Variants in CSNK2A2 observed in about 807,000 individuals in gnomAD.
The protein encoded by CSNK2A2 is casein kinase II subunit alpha'.
In CSNK2A2, 8 loss-of-function variants were observed where a neutral mutation model predicts 54.0. The observed-to-expected ratio is 0.15, with a 90% CI of 0.09 to 0.27. CSNK2A2 has a LOEUF of 0.27. CSNK2A2 is among the 10% of genes least tolerant of loss of function. CSNK2A2 has a pLI of 1.00. For missense variants in CSNK2A2, 242 were observed against 439.4 expected, an observed-to-expected ratio of 0.55 and a Z score of 4.02; for synonymous variants, 141 against 153.9, an observed-to-expected ratio of 0.92 and a Z score of 0.62.
chr16:58,196,569 G>C (rs896735618), intron 2 of CSNK2A2, among the ~76,000 whole-genome samples, 164 bp downstream of exon 2: 3 of 152,146 alleles, frequency 2.0e-5, no homozygotes, highest in South Asian at 2.1e-4. Context: ...AGTGAACTAT[G>C]ATCTGCACTC....
intron 2 of CSNK2A2, among the ~76,000 whole-genome samples, chr16:58,188,645 T>C (rs1227982243): frequency 1.3e-5 from 2 of 152,232 alleles, no homozygotes; most frequent in African/African-American, 4.8e-5. Context: ...AATGCATCAA[T>C]GGTTACCTTC....
rs146682761 is a variant in CSNK2A2, at chr16:58,191,041, T to C, written c.217-4185A>G. Reference sequence around the variant, plus strand: ...ACATACAATGGAAAATTATGTAGCCTTAAAATGGAAGGAAATTCTGATGCA... The same window carrying C: ...ACATACAATGGAAAATTATGTAGCCCTAAAATGGAAGGAAATTCTGATGCA... On this transcript the variant is annotated intron_variant, in intron 2 of 11. Coordinates refer to ENST00000262506, the MANE Select transcript of CSNK2A2 (RefSeq NM_001896.4). Among the ~76,000 whole-genome samples, 223 of 152,348 alleles carry C rather than the reference T, an allele frequency of 1.5e-3. 3 individuals are homozygous for C. The highest frequency in any genetic ancestry group is 8.1e-3 in the East Asian group (42 of 5,182).
At position 58,196,757 on chromosome 16, in the gene CSNK2A2, C is replaced by T; in HGVS notation, c.192G>A (p.Glu64=). Residue 64 remains glutamate, a synonymous_variant, in exon 2 of 12, where the codon GAG becomes GAA. Transcript: ENST00000262506. ...VFEAINITNN[E]RVVVKILKPV... is the part of the protein sequence containing the mutation. Reference sequence around the variant, plus strand: ...CCTTCAGGATTTTTACAACCACTCTCTCATTGTTGGTGATATTAATGGCCT... The same window carrying T: ...CCTTCAGGATTTTTACAACCACTCTTTCATTGTTGGTGATATTAATGGCCT... 4 of 1,613,592 alleles carry T rather than the reference C, an allele frequency of 2.5e-6. No individual in the cohort carries two copies. The highest frequency in any genetic ancestry group is 1.6e-4 in the Middle Eastern group (1 of 6,062).
At chr16:58,185,841 T>C (rs1325371411) in intron 3 of CSNK2A2, among the ~76,000 whole-genome samples, 1 of 152,214 alleles carries the variant, frequency 6.6e-6, no homozygotes, top group Non-Finnish European at 1.5e-5. Context: ...ATCTGTACAA[T>C]GTAAACAATA....
At chr16:58,182,541 C>T (rs1220239238) in intron 4 of CSNK2A2, among the ~76,000 whole-genome samples, 13 of 134,304 alleles carry the variant, frequency 9.7e-5, no homozygotes, top group South Asian at 2.3e-4. Context: ...GGCGACAGAG[C>T]GAGGCTCCGT....
At chr16:58,180,739 G>A (rs1270729238) in intron 4 of CSNK2A2, among the ~76,000 whole-genome samples, 6 of 152,070 alleles carry the variant, frequency 3.9e-5, no homozygotes, top group Non-Finnish European at 8.8e-5. Flanking sequence ...ATAAAATACT[G>A]AAAAGAATGG....
chr16:58,189,223 T>G (rs1334207777), intron 2 of CSNK2A2, among the ~76,000 whole-genome samples: 1 of 152,206 alleles, frequency 6.6e-6, no homozygotes, highest in Admixed American at 6.5e-5. Context: ...CCCAAAGTGC[T>G]GGGATTACAG....
At chr16:58,183,365 G>A (rs569831738) in intron 4 of CSNK2A2, among the ~76,000 whole-genome samples, 1 of 147,066 alleles carries the variant, frequency 6.8e-6, no homozygotes, top group African/African-American at 2.5e-5. Flanking sequence ...TGACAAAAGC[G>A]AAACTCGATC....
chr16:58,187,523 G>C (rs1962221125), intron 2 of CSNK2A2, among the ~76,000 whole-genome samples: 1 of 152,144 alleles, frequency 6.6e-6, no homozygotes, highest in Admixed American at 6.5e-5. Context: ...CAGTCTGCTG[G>C]AAAGATTAAA....
chr16:58,187,922 A>T (rs1962231734), intron 2 of CSNK2A2, among the ~76,000 whole-genome samples: 1 of 152,240 alleles, frequency 6.6e-6, no homozygotes, highest in Non-Finnish European at 1.5e-5. Context: ...GAGAAACGTA[A>T]CTAAGGAAAA....
intron 4 of CSNK2A2, among the ~76,000 whole-genome samples, chr16:58,177,230 A>T (rs1256315071): frequency 1.3e-5 from 2 of 152,234 alleles, no homozygotes; most frequent in Non-Finnish European, 2.9e-5. Context: ...CTCTTCCAAG[A>T]AACAGAAGTA....
rs762709978 is a variant in CSNK2A2, at chr16:58,164,054, C to A, written c.*17G>T. 1 of 1,610,164 alleles carries A rather than the reference C, an allele frequency of 6.2e-7. No homozygotes were observed. The highest frequency in any genetic ancestry group is 1.1e-5 in the South Asian group (1 of 90,324). ...TTGGCAAGCATCAATGCCGCATTAC[C>A]CGTCGCTTTCCAGTCTTCATCGTGC... On this transcript the variant is annotated splice_region_variant and 3_prime_UTR_variant, in exon 11 of 12. Coordinates refer to ENST00000262506, the MANE Select transcript of CSNK2A2 (RefSeq NM_001896.4).
chr16:58,191,590 T>C (rs988418685), intron 2 of CSNK2A2, among the ~76,000 whole-genome samples: 1 of 152,158 alleles, frequency 6.6e-6, no homozygotes, highest in Non-Finnish European at 1.5e-5. Flanking sequence ...CTCGAACTCC[T>C]GACGTCAGGT....
intron 2 of CSNK2A2, among the ~76,000 whole-genome samples, chr16:58,187,607 T>C (rs1050852787): frequency 3.9e-5 from 6 of 152,230 alleles, no homozygotes; most frequent in African/African-American, 2.4e-5. Flanking sequence ...TGAAGAAGAA[T>C]AGAAACAGTT....
At chr16:58,163,463 T>G (rs1961456944) in intron 11 of CSNK2A2, 2 of 152,066 alleles carry the variant, frequency 1.3e-5, no homozygotes, top group Non-Finnish European at 2.9e-5. Context: ...TGACTGCAGT[T>G]TGCTCCCAAA....
intron 4 of CSNK2A2, among the ~76,000 whole-genome samples, chr16:58,176,967 A>C (rs946926407): frequency 3.3e-5 from 5 of 152,212 alleles, no homozygotes; most frequent in Admixed American, 2.6e-4. Context: ...AAATGGGTAC[A>C]GTGGCTGGTG....
At chr16:58,163,446 G>A (rs557672689) in intron 11 of CSNK2A2, 2 of 152,194 alleles carry the variant, frequency 1.3e-5, no homozygotes, top group South Asian at 4.2e-4. Flanking sequence ...GAGGACTCTT[G>A]TGAAAGTGAC....
chr16:58,179,682 CACTTCTAGTTTGAA>C (rs1961977336), intron 4 of CSNK2A2, among the ~76,000 whole-genome samples: 1 of 152,148 alleles, frequency 6.6e-6, no homozygotes, highest in Admixed American at 6.5e-5. Flanking sequence ...TTGCAGTTTG[CACTTCTAGTTTGAA>C]AACTATCCAG....
intron 2 of CSNK2A2, among the ~76,000 whole-genome samples, chr16:58,192,350 T>C (rs1167124978): frequency 2.0e-5 from 3 of 151,866 alleles, no homozygotes; most frequent in Admixed American, 2.0e-4. Context: ...TGGTTTGCTC[T>C]CAAATAAACT....
Sources: allele counts gnomAD v4.1 joint callset (sites outside exome capture counted in the v4.1 genomes callset), GRCh38; gene constraint gnomAD v4.1.1; transcripts MANE v1.5; gene names NCBI Gene and HGNC (gene_info 2026-07-23, HGNC 2026-07-21).